ARHGAP15: variants seen among roughly 807,000 people sequenced by gnomAD.
ARHGAP15 encodes rho GTPase-activating protein 15.
Under a neutral mutation model 63.7 loss-of-function variants are expected in ARHGAP15, and 51 were observed. The observed-to-expected ratio is 0.80, with a 90% CI of 0.64 to 1.01. The LOEUF (loss-of-function observed/expected upper bound fraction) is 1.01. Ranked by LOEUF, ARHGAP15 falls within the 50% of genes least tolerant of loss-of-function variation. The pLI, the probability that ARHGAP15 is intolerant of heterozygous loss-of-function variation, is 0.00. For synonymous variants in ARHGAP15, 191 were observed against 193.8 expected (o/e 0.99, Z 0.12); for missense variants, 560 against 564.6 (o/e 0.99, Z 0.08).
intron 5 of ARHGAP15, among the ~76,000 whole-genome samples, chr2:143,243,891 G>A (rs545431821): frequency 6.6e-5 from 10 of 151,980 alleles, no homozygotes; most frequent in Admixed American, 1.3e-4. Context: ...ACTTATTCTA[G>A]TTTTCTCTTT....
intron 11 of ARHGAP15, among the ~76,000 whole-genome samples, chr2:143,619,706 C>T (rs1698582909): frequency 6.6e-6 from 1 of 152,140 alleles, no homozygotes; most frequent in Admixed American, 6.5e-5. Flanking sequence ...ATGGATATCC[C>T]TCTTGCTGTC....
chr2:143,550,699 A>G (rs544140439), intron 10 of ARHGAP15, among the ~76,000 whole-genome samples: 4 of 152,318 alleles, frequency 2.6e-5, no homozygotes, highest in African/African-American at 7.2e-5. Flanking sequence ...GAAACCTAGA[A>G]AGGAGGAAGA....
At chr2:143,610,726 T>C (rs916247042) in intron 11 of ARHGAP15, among the ~76,000 whole-genome samples, 1 of 151,616 alleles carries the variant, frequency 6.6e-6, no homozygotes, top group South Asian at 2.1e-4. Flanking sequence ...AGTGTATTTA[T>C]TTATTTATTT....
chr2:143,651,610 T>C (rs573626037), intron 12 of ARHGAP15, among the ~76,000 whole-genome samples: 2 of 152,178 alleles, frequency 1.3e-5, no homozygotes, highest in African/African-American at 4.8e-5. Flanking sequence ...GACTGGGTCA[T>C]ATGGTAGATG....
At chr2:143,526,670 T>C (rs918088015) in intron 10 of ARHGAP15, among the ~76,000 whole-genome samples, 1 of 152,152 alleles carries the variant, frequency 6.6e-6, no homozygotes, top group African/African-American at 2.4e-5. Context: ...GGCTGAAAGT[T>C]AGCAGGATGT....
intron 12 of ARHGAP15, among the ~76,000 whole-genome samples, chr2:143,661,697 G>A (rs956899537): frequency 6.6e-6 from 1 of 152,214 alleles, no homozygotes; most frequent in East Asian, 1.9e-4. Context: ...CAGACAGTGG[G>A]CACAGGTCAG....
intron 2 of ARHGAP15, among the ~76,000 whole-genome samples, chr2:143,170,806 T>C (rs138036937): frequency 5.6e-4 from 85 of 152,294 alleles, no homozygotes; most frequent in African/African-American, 2.0e-3. Flanking sequence ...CTTTCTGCTT[T>C]ATTTTAAAAA....
intron 8 of ARHGAP15, among the ~76,000 whole-genome samples, chr2:143,440,505 TA>T (rs1689826547): frequency 6.6e-6 from 1 of 152,154 alleles, no homozygotes; most frequent in African/African-American, 2.4e-5. Context: ...TGTAGACAGA[TA>T]AAGCCAGAAT....
intron 12 of ARHGAP15, among the ~76,000 whole-genome samples, chr2:143,674,899 G>A (rs1328499655): frequency 2.0e-5 from 3 of 151,940 alleles, no homozygotes; most frequent in Admixed American, 6.6e-5. Flanking sequence ...TGAAGGTTGG[G>A]GTAATTGTGA....
intron 6 of ARHGAP15, among the ~76,000 whole-genome samples, chr2:143,292,619 T>G (rs772532400): frequency 6.6e-6 from 1 of 152,068 alleles, no homozygotes; most frequent in Non-Finnish European, 1.5e-5. Flanking sequence ...GACAGTCCTT[T>G]TAAAAATTAT....
At chr2:143,387,096 C>T (rs1687318734) in intron 6 of ARHGAP15, among the ~76,000 whole-genome samples, 1 of 151,992 alleles carries the variant, frequency 6.6e-6, no homozygotes, top group African/African-American at 2.4e-5. Context: ...CAACAAACTG[C>T]CGTGACACAA....
chr2:143,527,054 A>C (rs989925343), intron 10 of ARHGAP15, among the ~76,000 whole-genome samples: 1 of 152,146 alleles, frequency 6.6e-6, no homozygotes, highest in Non-Finnish European at 1.5e-5. Context: ...TGAAACCCAA[A>C]TATTATACTC....
At chr2:143,386,749 C>T (rs537416384) in intron 6 of ARHGAP15, among the ~76,000 whole-genome samples, 1 of 152,274 alleles carries the variant, frequency 6.6e-6, no homozygotes, top group African/African-American at 2.4e-5. Flanking sequence ...GCACAACAAC[C>T]TCACTACTTT....
chr2:143,380,815 C>T (rs867401021), intron 6 of ARHGAP15, among the ~76,000 whole-genome samples: 2 of 152,008 alleles, frequency 1.3e-5, no homozygotes, highest in African/African-American at 2.4e-5. Context: ...TCAGGCTTAG[C>T]GAACAGAATT....
Position 143,262,535 on chromosome 2 carries a change from A to ATTTTTT in ARHGAP15, c.474+11954_474+11959dup, listed in dbSNP as rs67267617. Among the ~76,000 whole-genome samples the ATTTTTT allele has an allele frequency of 5.8e-4, 53 of 90,910 alleles. 4 individuals carry two copies. Among genetic ancestry groups the ATTTTTT allele is most frequent in the African/African-American group, 2.0e-3 (43 of 21,334 alleles). The allele number at this position is 90,910 out of a possible 152,430, so 59.6% of individuals were successfully genotyped here. A position where few individuals can be genotyped will look rare whatever the true frequency, so the allele number is the denominator to read the frequency against. On this transcript the variant is annotated intron_variant, in intron 6 of 13. Coordinates refer to ENST00000295095, the MANE Select transcript of ARHGAP15 (RefSeq NM_018460.4). Reference sequence around the variant, plus strand: ...TGTATATGCGGGGTCTGAACCTTTGATTTTTTTTTTTTTTTTTTTTTTTTA... The same window carrying ATTTTTT: ...TGTATATGCGGGGTCTGAACCTTTGATTTTTTTTTTTTTTTTTTTTTTTTTTTTTTA...
chr2:143,490,294 C>G (rs1426664624), intron 9 of ARHGAP15, among the ~76,000 whole-genome samples: 1 of 152,134 alleles, frequency 6.6e-6, no homozygotes, highest in Admixed American at 6.5e-5. Flanking sequence ...CCACCACGCC[C>G]GGCCGGCCAT....
intron 3 of ARHGAP15, among the ~76,000 whole-genome samples, chr2:143,207,629 T>C (rs1450055849): frequency 6.6e-6 from 1 of 152,072 alleles, no homozygotes; most frequent in African/African-American, 2.4e-5. Flanking sequence ...TTGCTGTGTC[T>C]TGTGAACATG....
chr2:143,429,266 T>A (rs1336735610), intron 6 of ARHGAP15, among the ~76,000 whole-genome samples: 1 of 151,562 alleles, frequency 6.6e-6, no homozygotes, highest in Non-Finnish European at 1.5e-5. Flanking sequence ...TGGGTTTAGA[T>A]ATTTGTTAAT....
At chr2:143,226,179 T>C (rs1398103775) in intron 4 of ARHGAP15, among the ~76,000 whole-genome samples, 1 of 152,212 alleles carries the variant, frequency 6.6e-6, no homozygotes, top group Non-Finnish European at 1.5e-5. Flanking sequence ...AAAGTCCTTA[T>C]AAAGAACAAT....
Sources: gnomAD v4.1 joint callset for allele counts (sites outside exome capture counted in the v4.1 genomes callset) on GRCh38, gnomAD v4.1.1 for gene constraint, MANE v1.5 for transcripts, NCBI Gene and HGNC (gene_info 2026-07-23, HGNC 2026-07-21) for gene names.